The following FHOD3 variants were observed in gnomAD, a reference collection of about 807,000 sequenced individuals.
The protein encoded by FHOD3 is formin homology 2 domain containing 3.
FHOD3 carries 90 observed loss-of-function variants against 173.0 expected under a neutral mutation model. That is an observed-to-expected ratio of 0.52 (90% confidence interval 0.44 to 0.62). The LOEUF (loss-of-function observed/expected upper bound fraction) is 0.62. Ranked by LOEUF, FHOD3 falls within the 20% of genes least tolerant of loss-of-function variation. The pLI, the probability that FHOD3 is intolerant of heterozygous loss-of-function variation, is 0.00. For missense variants in FHOD3, 1,945 were observed against 2,034.7 expected (o/e 0.96, Z 0.85); for synonymous variants, 828 against 823.0 (o/e 1.01, Z -0.10).
intron 3 of FHOD3, among the ~76,000 whole-genome samples, chr18:36,475,751 TACACACACACAC>T (rs58982535): frequency 0.36 from 51,734 of 142,932 alleles, 9,361 homozygotes; most frequent in South Asian, 0.52. Context: ...TATAGAAACA[TACACACACACAC>T]ACACACACAC....
chr18:36,769,212 C>T, intron 27 of FHOD3, 53 bp from the exon 28 acceptor site: 1 of 1,589,028 alleles, frequency 6.3e-7, no homozygotes. Context: ...CTGCATATAT[C>T]TTTTGTGTTT....
At chr18:36,719,311 A>G (rs1174774426) in intron 19 of FHOD3, among the ~76,000 whole-genome samples, 3 of 152,220 alleles carry the variant, frequency 2.0e-5, no homozygotes, top group Non-Finnish European at 4.4e-5. Flanking sequence ...TGAGAGTCCT[A>G]TAGCCACTGC....
chr18:36,481,052 G>C (rs2053864108), intron 3 of FHOD3, among the ~76,000 whole-genome samples: 1 of 104,546 alleles, frequency 9.6e-6, no homozygotes, highest in Non-Finnish European at 1.8e-5. Flanking sequence ...TGCGTTTAAA[G>C]AGCATAACTC....
At chr18:36,482,858 C>CACACACACACACACAG (rs1400178557) in intron 3 of FHOD3, among the ~76,000 whole-genome samples, 1 of 130,458 alleles carries the variant, frequency 7.7e-6, no homozygotes, top group African/African-American at 3.1e-5. Context: ...CACACACACA[C>CACACACACACACACAG]AGAGAGAGAG....
chr18:36,651,686 AG>A (rs1450898098), intron 11 of FHOD3, among the ~76,000 whole-genome samples: 1 of 152,190 alleles, frequency 6.6e-6, no homozygotes, highest in East Asian at 1.9e-4. Flanking sequence ...TGGGAGGCAA[AG>A]GTTGCCGTGA....
chr18:36,607,092 G>GCCTCACTCCCGTGGCTC (rs1219576727), intron 8 of FHOD3, among the ~76,000 whole-genome samples: 1 of 152,192 alleles, frequency 6.6e-6, no homozygotes, highest in East Asian at 1.9e-4. Flanking sequence ...CTTGGGGGCT[G>GCCTCACTCCCGTGGCTC]CCTCACTCCC....
At chr18:36,317,071 G>T (rs2044165554) in intron 1 of FHOD3, among the ~76,000 whole-genome samples, 1 of 152,146 alleles carries the variant, frequency 6.6e-6, no homozygotes, top group Admixed American at 6.5e-5. Flanking sequence ...TTTTATGGCT[G>T]CATAGTATTC....
In FHOD3 at chr18:36,758,418, T is replaced by A. The variant is rs1468295653; in HGVS notation, c.4426-700T>A. Among the ~76,000 whole-genome samples, 4 of 152,222 alleles carry A rather than the reference T, an allele frequency of 2.6e-5. No individual in the cohort carries two copies. The East Asian group carries it at 7.7e-4, about 29-fold the overall frequency. ...TTATTTAAAGTAACTTAAAGCAGTT[T>A]AGTGCTAAAGTAATTAAAAGTATGG... On this transcript the variant is annotated intron_variant, in intron 25 of 28. Coordinates refer to ENST00000590592, the MANE Select transcript of FHOD3 (RefSeq NM_001281740.3).
intron 3 of FHOD3, among the ~76,000 whole-genome samples, chr18:36,493,534 A>C (rs1387971206): frequency 1.3e-5 from 2 of 152,202 alleles, no homozygotes; most frequent in Admixed American, 1.3e-4. Flanking sequence ...CTGGCTAGGG[A>C]AATGGGCGTC....
chr18:36,309,154 C>G (rs967708194), intron 1 of FHOD3, among the ~76,000 whole-genome samples: 1 of 152,166 alleles, frequency 6.6e-6, no homozygotes, highest in Non-Finnish European at 1.5e-5. Context: ...GAGACCAGGC[C>G]AGACTTAAGG....
At chr18:36,606,965 A>G (rs1161939533) in intron 8 of FHOD3, among the ~76,000 whole-genome samples, 1 of 152,182 alleles carries the variant, frequency 6.6e-6, no homozygotes, top group Non-Finnish European at 1.5e-5. Context: ...GCCTCAGGCA[A>G]CCCCATCCCT....
intron 19 of FHOD3, among the ~76,000 whole-genome samples, chr18:36,724,444 C>T (rs1027007690): frequency 5.3e-5 from 8 of 152,308 alleles, no homozygotes; most frequent in Admixed American, 3.3e-4. Flanking sequence ...CAGCTCTTCC[C>T]GAAGCTTTGG....
chr18:36,768,457 C>A (rs1318536338), intron 27 of FHOD3, among the ~76,000 whole-genome samples: 1 of 152,176 alleles, frequency 6.6e-6, no homozygotes, highest in African/African-American at 2.4e-5. Context: ...CCAAGTTCTG[C>A]AGAGTTGATT....
intron 3 of FHOD3, among the ~76,000 whole-genome samples, chr18:36,399,757 G>A (rs2048717574): frequency 6.6e-6 from 1 of 152,160 alleles, no homozygotes; most frequent in Non-Finnish European, 1.5e-5. Flanking sequence ...ATTATAGAGA[G>A]CTATTGCTGG....
intron 18 of FHOD3, chr18:36,709,988 CTTT>C (rs1472149951): frequency 1.3e-5 from 2 of 152,372 alleles, no homozygotes; most frequent in Non-Finnish European, 2.9e-5. Flanking sequence ...CATAACTATT[CTTT>C]TCTTTGTATA....
At chr18:36,523,131 G>A (rs563370900) in intron 5 of FHOD3, among the ~76,000 whole-genome samples, 41 of 112,756 alleles carry the variant, frequency 3.6e-4, no homozygotes, top group African/African-American at 1.1e-3. Context: ...GGGCCCCAGC[G>A]TTCCTTGAAA....
At chr18:36,363,579 C>A (rs61341157) in intron 2 of FHOD3, among the ~76,000 whole-genome samples, 7,338 of 152,028 alleles carry the variant, frequency 0.048, 354 homozygotes, top group African/African-American at 0.11. Context: ...TATGACATTC[C>A]GAGAAAGGCA....
At chr18:36,624,114 G>A (rs1030653300) in intron 9 of FHOD3, among the ~76,000 whole-genome samples, 11 of 152,190 alleles carry the variant, frequency 7.2e-5, no homozygotes, top group Non-Finnish European at 1.3e-4. Flanking sequence ...CCATGGTTGC[G>A]AAGTCAGAAG....
At chr18:36,391,939 G>T (rs951898629) in intron 3 of FHOD3, among the ~76,000 whole-genome samples, 1 of 152,178 alleles carries the variant, frequency 6.6e-6, no homozygotes, top group Non-Finnish European at 1.5e-5. Flanking sequence ...GGTCTTCTTT[G>T]TCCCCCACAG....
Sources: gnomAD v4.1 joint callset for allele counts (sites outside exome capture counted in the v4.1 genomes callset) on GRCh38, gnomAD v4.1.1 for gene constraint, MANE v1.5 for transcripts, NCBI Gene and HGNC (gene_info 2026-07-23, HGNC 2026-07-21) for gene names.